The following USP40 variants were observed in gnomAD, a reference collection of about 807,000 sequenced individuals.
USP40 encodes the protein ubiquitin specific peptidase 40.
A neutral mutation model predicts 166.2 loss-of-function variants in USP40; 143 were observed. The observed-to-expected ratio is 0.86, with a 90% CI of 0.75 to 0.99. The LOEUF (loss-of-function observed/expected upper bound fraction) is 0.99. Ranked by LOEUF, USP40 falls within the 50% of genes least tolerant of loss-of-function variation. USP40 has a pLI of 0.00. For synonymous variants in USP40, 498 were observed against 524.0 expected, an observed-to-expected ratio of 0.95 and a Z score of 0.68; for missense variants, 1,444 against 1,479.7, an observed-to-expected ratio of 0.98 and a Z score of 0.40.
At chr2:233,553,813 C>CA (rs2070799784) in intron 6 of USP40, among the ~76,000 whole-genome samples, 1 of 145,716 alleles carries the variant, frequency 6.9e-6, no homozygotes, top group Non-Finnish European at 1.5e-5. Context: ...TCTCACATGG[C>CA]AAAAGATATC....
intron 10 of USP40, among the ~76,000 whole-genome samples, chr2:233,539,022 C>CT (rs1559267554): frequency 6.6e-6 from 1 of 151,964 alleles, no homozygotes; most frequent in Non-Finnish European, 1.5e-5. Flanking sequence ...GAGCAAAACT[C>CT]TGTCTCAAAA....
At position 233,477,381 on chromosome 2, in the gene USP40, C is replaced by T. The variant is rs76808404; in HGVS notation, c.*11G>A. ...AGAGTTCATCGGGAGTAGAGCCGTG[C>T]AGCGGCGCGGTTATCTGAAGCTCCC... On this transcript the variant is annotated 3_prime_UTR_variant, in exon 32 of 32. Transcript: ENST00000678225. 3.7e-3 allele frequency: 5,930 copies of T among 1,611,924 alleles called. 275 individuals are homozygous for T. The East Asian group carries it at 0.1, about 29-fold the overall frequency.
intron 30 of USP40, among the ~76,000 whole-genome samples, chr2:233,483,864 G>C (rs1372666447): frequency 6.6e-6 from 1 of 152,188 alleles, no homozygotes; most frequent in Non-Finnish European, 1.5e-5. Flanking sequence ...GAAAATTAAT[G>C]AATATGATTT....
chr2:233,547,392 T>G (rs538161717), intron 8 of USP40, among the ~76,000 whole-genome samples: 2 of 152,242 alleles, frequency 1.3e-5, no homozygotes, highest in African/African-American at 4.8e-5. Context: ...CAAATACAAC[T>G]GATAGAATGT....
intron 28 of USP40, chr2:233,487,948 A>G (rs753118678): frequency 6.6e-6 from 4 of 610,024 alleles, no homozygotes; most frequent in Non-Finnish European, 1.3e-5. Context: ...ACACACTGAC[A>G]ACAGCTGCGG....
chr2:233,565,160 C>A (rs544717391), intron 2 of USP40, among the ~76,000 whole-genome samples, 196 bp downstream of exon 2: 2 of 152,062 alleles, frequency 1.3e-5, no homozygotes, highest in Non-Finnish European at 2.9e-5. Flanking sequence ...ATTGTCATCA[C>A]CCAGGATATA....
chr2:233,560,383 G>A (rs1481554100), intron 3 of USP40, among the ~76,000 whole-genome samples: 2 of 152,150 alleles, frequency 1.3e-5, no homozygotes, highest in Non-Finnish European at 2.9e-5. Context: ...TACTTGATGT[G>A]GTGAGGGCTG....
At chr2:233,509,707 A>G (rs574584129) in intron 21 of USP40, among the ~76,000 whole-genome samples, 1 of 151,802 alleles carries the variant, frequency 6.6e-6, no homozygotes, top group South Asian at 2.1e-4. Context: ...TGGGTGTGGT[A>G]GTAGGTAACT....
rs2064171160 is a variant in USP40, at chr2:233,476,056, G to A, written c.*1336C>T. The A allele has an allele frequency of 6.6e-6, 1 of 152,388 alleles. No homozygotes were observed. The highest frequency in any genetic ancestry group is 1.5e-5 in the Non-Finnish European group (1 of 68,068). 9.4% of individuals were successfully genotyped at this position (152,388 alleles called of 1,614,324 possible). A position where few individuals can be genotyped will look rare whatever the true frequency, so the allele number is the denominator to read the frequency against. ...CGGAAACGCACAGACGTCTATGGCAGACGCTCTCAGACACGTGTGCAGAAG... is the reference window on the plus strand; with the variant it reads ...CGGAAACGCACAGACGTCTATGGCAAACGCTCTCAGACACGTGTGCAGAAG... On this transcript the variant is annotated 3_prime_UTR_variant, in exon 32 of 32. Coordinates refer to ENST00000678225, the MANE Select transcript of USP40 (RefSeq NM_001365479.2).
At chr2:233,549,356 A>G (rs1455214572) in intron 7 of USP40, 127 bp from the exon 8 acceptor site, 3 of 669,932 alleles carry the variant, frequency 4.5e-6, no homozygotes, top group Non-Finnish European at 6.9e-6. Flanking sequence ...AAGAGTAAAG[A>G]TGAATTCAAG....
rs185666220 is a variant in USP40, at chr2:233,507,643, T to A, written c.2613+2406A>T. Among the ~76,000 whole-genome samples, 93 of 147,650 alleles carry A rather than the reference T, an allele frequency of 6.3e-4. 1 individual carries two copies. Among genetic ancestry groups the A allele is most frequent in the Admixed American group, 3.3e-3 (49 of 14,876 alleles). ...TAAAAAAAAAAAAAAAGAGTTGACATCGTAGAAGCAGAGAGTAAAACAGCA... is the reference window on the plus strand; with the variant it reads ...TAAAAAAAAAAAAAAAGAGTTGACAACGTAGAAGCAGAGAGTAAAACAGCA... On this transcript the variant is annotated intron_variant, in intron 21 of 31. Coordinates refer to ENST00000678225, the MANE Select transcript of USP40 (RefSeq NM_001365479.2).
chr2:233,507,985 T>C (rs1379310422), intron 21 of USP40, among the ~76,000 whole-genome samples: 1 of 152,170 alleles, frequency 6.6e-6, no homozygotes, highest in Non-Finnish European at 1.5e-5. Context: ...TTAAATAGTT[T>C]CAGATTTTGG....
In USP40 at chr2:233,484,339, G is replaced by A. The variant is rs74730926; in HGVS notation, c.3504+1192C>T. ...GGTTTGCCTTCCAAGAACATGACGT[G>A]GCTCTAACAGAAGCTTTCTTTAACA... is the stretch of plus-strand genomic sequence containing the variant. On this transcript the variant is annotated intron_variant, in intron 30 of 31. Transcript: ENST00000678225. Among the ~76,000 whole-genome samples, 484 of 152,224 alleles carry A rather than the reference G, an allele frequency of 3.2e-3. 3 individuals are homozygous for A. Among genetic ancestry groups the A allele is most frequent in the African/African-American group, 0.011 (462 of 41,540 alleles).
At chr2:233,551,659 C>T in intron 6 of USP40, 140 bp from the exon 7 acceptor site, 1 of 820,746 alleles carries the variant, frequency 1.2e-6, no homozygotes, top group Non-Finnish European at 1.8e-6. Context: ...ATGGATTCAA[C>T]ATAACTCGAT....
At chr2:233,516,150 G>C (rs2067174880) in intron 18 of USP40, among the ~76,000 whole-genome samples, 1 of 152,074 alleles carries the variant, frequency 6.6e-6, no homozygotes, top group African/African-American at 2.4e-5. Flanking sequence ...GTAGGCCATA[G>C]TTTGCTGACC....
chr2:233,533,884 A>G (rs2068741940), intron 10 of USP40, 105 bp from the exon 11 acceptor site: 1 of 1,206,760 alleles, frequency 8.3e-7, no homozygotes, highest in Non-Finnish European at 1.1e-6. Context: ...ATTTAACTTC[A>G]TCTTTATTTC....
intron 30 of USP40, among the ~76,000 whole-genome samples, chr2:233,484,772 C>T (rs989085900): frequency 2.0e-5 from 3 of 152,184 alleles, no homozygotes; most frequent in African/African-American, 4.8e-5. Context: ...CATGAGCCAC[C>T]GTGCCCAGCC....
chr2:233,536,695 G>C (rs2068960464), intron 10 of USP40, among the ~76,000 whole-genome samples: 1 of 152,046 alleles, frequency 6.6e-6, no homozygotes, highest in African/African-American at 2.4e-5. Flanking sequence ...AGACCTGAGA[G>C]GACATATCAA....
intron 16 of USP40, among the ~76,000 whole-genome samples, chr2:233,522,907 T>C (rs1052025804): frequency 2.0e-5 from 3 of 152,254 alleles, no homozygotes; most frequent in Non-Finnish European, 4.4e-5. Context: ...AGCCAACTAA[T>C]TGATACTCTA....
Sources: allele counts gnomAD v4.1 joint callset (sites outside exome capture counted in the v4.1 genomes callset), GRCh38; gene constraint gnomAD v4.1.1; transcripts MANE v1.5; gene names NCBI Gene and HGNC (gene_info 2026-07-23, HGNC 2026-07-21).